The following MAVS variants were observed in gnomAD, a reference collection of about 807,000 sequenced individuals.
The protein encoded by MAVS is mitochondrial antiviral signaling protein, also known as mitochondrial antiviral-signaling protein.
MAVS carries 20 observed loss-of-function variants against 30.2 expected under a neutral mutation model. The observed-to-expected ratio is 0.66, with a 90% CI of 0.47 to 0.96. The LOEUF is 0.96. Among genes scored for constraint, MAVS ranks in the 40% least tolerant of loss-of-function variants. The pLI is 0.00. For missense variants in MAVS, 624 were observed against 701.1 expected (o/e 0.89, Z 1.24); for synonymous variants, 278 against 293.9 (o/e 0.95, Z 0.55).
chr20:3,856,831 C>T (rs1388509645), intron 2 of MAVS, among the ~76,000 whole-genome samples: 3 of 151,736 alleles, frequency 2.0e-5, no homozygotes, highest in Non-Finnish European at 4.4e-5. Context: ...GTCAGGAGTT[C>T]GAGACCAGCC....
At chr20:3,858,974 AT>A (rs1197719031) in intron 3 of MAVS, among the ~76,000 whole-genome samples, 1 of 151,622 alleles carries the variant, frequency 6.6e-6, no homozygotes, top group Non-Finnish European at 1.5e-5. Flanking sequence ...TAATTTTTAA[AT>A]TTTTTGTAGA....
chr20:3,851,990 C>CT (rs770960832), intron 1 of MAVS, among the ~76,000 whole-genome samples: 224 of 80,450 alleles, frequency 2.8e-3, no homozygotes, highest in Middle Eastern at 0.011. Context: ...GTGTAGCAGG[C>CT]TTTTTTTTTT....
intron 2 of MAVS, among the ~76,000 whole-genome samples, chr20:3,856,700 T>C (rs1406241852): frequency 2.6e-5 from 4 of 152,032 alleles, no homozygotes; most frequent in African/African-American, 4.8e-5. Context: ...TTGTTTCTGC[T>C]GTCTGGTTGC....
At chr20:3,848,546 G>C (rs1004315481) in intron 1 of MAVS, among the ~76,000 whole-genome samples, 1 of 152,228 alleles carries the variant, frequency 6.6e-6, no homozygotes, top group Admixed American at 6.5e-5. Context: ...GGCTGGCAAA[G>C]CAACTCATGC....
Position 3,872,392 on chromosome 20 carries a change from G to C in MAVS, c.*6245G>C, listed in dbSNP as rs2089962034. The stretch of plus-strand genomic sequence containing the variant: ...GTTTGAAGTTACAGTGAGCTATGAT[G>C]GCACCACTGCACTTCAGCCTAGGCA... On this transcript the variant is annotated 3_prime_UTR_variant, in exon 7 of 7. Transcript: ENST00000428216. The C allele has an allele frequency of 6.6e-6, 1 of 152,222 alleles. No homozygotes were observed. The highest frequency in any genetic ancestry group is 2.4e-5 in the African/African-American group (1 of 41,416). The allele number at this position is 152,222 out of a possible 1,614,324, so 9.4% of individuals were successfully genotyped here.
intron 2 of MAVS, among the ~76,000 whole-genome samples, chr20:3,855,728 A>G (rs2089803721): frequency 6.6e-6 from 1 of 152,158 alleles, no homozygotes; most frequent in Non-Finnish European, 1.5e-5. Flanking sequence ...TGGGGTTTAT[A>G]GGGATATCTT....
At chr20:3,852,638 C>T (rs2146757731) in intron 1 of MAVS, among the ~76,000 whole-genome samples, 1 of 152,150 alleles carries the variant, frequency 6.6e-6, no homozygotes, top group African/African-American at 2.4e-5. Context: ...GACCAACCTG[C>T]AGAGAAGAAA....
chr20:3,862,503 G>C, intron 5 of MAVS, 90 bp downstream of exon 5: 1 of 1,380,400 alleles, frequency 7.2e-7, no homozygotes, highest in Non-Finnish European at 9.8e-7. Context: ...CCTTGAACAG[G>C]AGACAAGGTG....
intron 3 of MAVS, among the ~76,000 whole-genome samples, chr20:3,860,417 C>T (rs1259534270): frequency 2.6e-5 from 4 of 151,056 alleles, no homozygotes. Flanking sequence ...TCTTGTTGCC[C>T]AGGCTGGAGT....
At chr20:3,857,877 C>G (rs1380231896) in intron 3 of MAVS, 68 bp downstream of exon 3, 2 of 1,505,046 alleles carry the variant, frequency 1.3e-6, no homozygotes, top group Admixed American at 3.4e-5. Context: ...CCTTTTCTCT[C>G]TCCCTGTACT....
rs11551192 is a variant in MAVS, at chr20:3,875,908, A to G, written c.*9761A>G. 0.015 allele frequency: 2,294 copies of G among 152,506 alleles called. 17 individuals are homozygous for G. The highest frequency in any genetic ancestry group is 0.022 in the Non-Finnish European group (1,466 of 68,044). 9.4% of individuals were successfully genotyped at this position (152,506 alleles called of 1,614,324 possible). A position where few individuals can be genotyped will look rare whatever the true frequency, so the allele number is the denominator to read the frequency against. On this transcript the variant is annotated 3_prime_UTR_variant, in exon 7 of 7. Transcript: ENST00000428216. ...GTTAATCACTTCGCTTGTATTTAACATAAGAAAGAAAAACCCTTTCATTAT... is the reference window on the plus strand; with the variant it reads ...GTTAATCACTTCGCTTGTATTTAACGTAAGAAAGAAAAACCCTTTCATTAT...
intron 3 of MAVS, among the ~76,000 whole-genome samples, chr20:3,859,499 C>G (rs1235692984): frequency 1.2e-4 from 14 of 115,672 alleles, no homozygotes; most frequent in Admixed American, 1.2e-3. Flanking sequence ...CAGAGTGAGA[C>G]TCCGTCTCCA....
chr20:3,863,971 G>A (rs2089885584), intron 5 of MAVS, among the ~76,000 whole-genome samples: 1 of 152,080 alleles, frequency 6.6e-6, no homozygotes, highest in African/African-American at 2.4e-5. Context: ...GGTGGGAGAG[G>A]AAAAAGCGGA....
At chr20:3,857,868 C>A in intron 3 of MAVS, 59 bp downstream of exon 3, 1 of 1,553,818 alleles carries the variant, frequency 6.4e-7, no homozygotes, top group Non-Finnish European at 8.9e-7. Context: ...CTCCGCTCTC[C>A]TTTTCTCTCT....
In MAVS at chr20:3,866,342, C is replaced by T. The variant is rs940719455; in HGVS notation, c.*195C>T. ...GAGCAGCATCTCTGTCCCCACGGTG[C>T]CTTGTGTGGGTCCCCGTCCTTGGCT... is the stretch of plus-strand genomic sequence containing the variant. On this transcript the variant is annotated 3_prime_UTR_variant, in exon 7 of 7. Transcript: ENST00000428216. The T allele has an allele frequency of 3.3e-6, 2 of 603,312 alleles. No individual in the cohort carries two copies. Among genetic ancestry groups the T allele is most frequent in the Non-Finnish European group, 5.7e-6 (2 of 350,928 alleles). The allele number at this position is 603,312 out of a possible 1,614,324, so 37.4% of individuals were successfully genotyped here.
chr20:3,863,201 T>C (rs1167351625), intron 5 of MAVS, among the ~76,000 whole-genome samples: 1 of 152,082 alleles, frequency 6.6e-6, no homozygotes, highest in Non-Finnish European at 1.5e-5. Flanking sequence ...GGAAGTAAGG[T>C]CTTCATCATC....
chr20:3,852,434 C>T (rs2089769681), intron 1 of MAVS, among the ~76,000 whole-genome samples: 1 of 152,160 alleles, frequency 6.6e-6, no homozygotes, highest in Admixed American at 6.6e-5. Flanking sequence ...CGATTATTAT[C>T]ATGTTGGGGT....
At chr20:3,849,686 C>T (rs1418273832) in intron 1 of MAVS, among the ~76,000 whole-genome samples, 4 of 152,192 alleles carry the variant, frequency 2.6e-5, no homozygotes, top group Admixed American at 6.6e-5. Flanking sequence ...TTCTTTGACC[C>T]CCTAGTTCAA....
Position 3,865,784 on chromosome 20 carries a change from G to C in MAVS, c.1260G>C (p.Lys420Asn), listed in dbSNP as rs1333615886. The C allele has an allele frequency of 1.2e-6, 2 of 1,613,680 alleles. No homozygotes were observed. The highest frequency in any genetic ancestry group is 1.3e-5 in the African/African-American group (1 of 74,916). Residue 420 changes from lysine (K) to asparagine (N), a missense_variant, in exon 7 of 7, where the codon AAG (lysine) becomes AAC (asparagine). Coordinates refer to ENST00000428216, the MANE Select transcript of MAVS (RefSeq NM_020746.5). This position sits in a 1 kb window ranked among gnomAD's most constrained non-coding sequence, Gnocchi z 4.7. ...GGGGCCTTGGGTCGGAGCTGAGTAA[G>C]CCTGGCGTGCTGGCATCCCAGGTAG... is the stretch of plus-strand genomic sequence containing the variant. ...ENRGLGSELS[K>N]PGVLASQVDS...
Sources: allele counts gnomAD v4.1 joint callset (sites outside exome capture counted in the v4.1 genomes callset), GRCh38; gene constraint gnomAD v4.1.1; non-coding constraint Gnocchi (gnomAD v3.1); transcripts MANE v1.5; gene names NCBI Gene and HGNC (gene_info 2026-07-23, HGNC 2026-07-21).